Variants in NLGN1 observed in about 807,000 individuals in gnomAD.
The protein encoded by NLGN1 is neuroligin 1.
In NLGN1, 12 loss-of-function variants were observed where a neutral mutation model predicts 65.5. The ratio of observed to expected loss-of-function variants is 0.18; its 90% confidence interval spans 0.12 to 0.30. The LOEUF is 0.30. Ranked by LOEUF, NLGN1 falls within the 10% of genes least tolerant of loss-of-function variation. NLGN1 has a pLI of 1.00. For missense variants in NLGN1, 750 were observed against 1,007.1 expected (o/e 0.74, Z 3.46); for synonymous variants, 350 against 359.5 (o/e 0.97, Z 0.30).
intron 4 of NLGN1, among the ~76,000 whole-genome samples, chr3:174,079,194 A>T (rs1018687427): frequency 3.3e-5 from 5 of 149,966 alleles, no homozygotes; most frequent in African/African-American, 1.3e-4. Context: ...ATTTACAAGA[A>T]AAAAAAAACT....
At chr3:174,061,399 A>G (rs1380735836) in intron 4 of NLGN1, among the ~76,000 whole-genome samples, 1 of 152,122 alleles carries the variant, frequency 6.6e-6, no homozygotes, top group Non-Finnish European at 1.5e-5. Context: ...AAGTCATTAC[A>G]CTCAGAGGAA....
chr3:173,936,995 A>G (rs988705403), intron 4 of NLGN1, among the ~76,000 whole-genome samples: 3 of 152,232 alleles, frequency 2.0e-5, no homozygotes, highest in Admixed American at 1.3e-4. Context: ...ACACAGGGAT[A>G]TATGTATACA....
chr3:173,797,696 C>CAAAAAAAAAAAAAA (rs112560290), intron 3 of NLGN1, among the ~76,000 whole-genome samples: 1 of 144,678 alleles, frequency 6.9e-6, no homozygotes, highest in Admixed American at 6.8e-5. Flanking sequence ...ACAACAACAA[C>CAAAAAAAAAAAAAA]AACAAAAAAA....
chr3:174,177,373 A>C lies in NLGN1; in HGVS notation c.647-97942A>C, dbSNP rs75028376. On this transcript the variant is annotated intron_variant, in intron 4 of 6. Coordinates refer to ENST00000457714, the Ensembl canonical transcript of NLGN1. ...CTTCAGAAAATCACTAGAGATCAAAATTGTAATATTTACTTAAATGTTTAA... is the reference window on the plus strand; with the variant it reads ...CTTCAGAAAATCACTAGAGATCAAACTTGTAATATTTACTTAAATGTTTAA... 5.9e-3 allele frequency among the ~76,000 whole-genome samples: 894 copies of C among 152,200 alleles called. 24 individuals carry two copies. Among genetic ancestry groups the C allele is most frequent in the East Asian group, 0.031 (161 of 5,182 alleles).
chr3:173,465,022 A>G (rs1184012886), intron 2 of NLGN1, among the ~76,000 whole-genome samples: 1 of 152,168 alleles, frequency 6.6e-6, no homozygotes, highest in Non-Finnish European at 1.5e-5. Context: ...TTCTATATTA[A>G]TTCACCTGTA....
chr3:173,684,260 A>G (rs114387737), intron 3 of NLGN1, among the ~76,000 whole-genome samples: 4,296 of 152,296 alleles, frequency 0.028, 90 homozygotes, highest in Middle Eastern at 0.044. Flanking sequence ...TAAAGATATG[A>G]CTTGATTTTT....
chr3:173,884,269 G>A (rs538336008), intron 4 of NLGN1, among the ~76,000 whole-genome samples: 13 of 152,252 alleles, frequency 8.5e-5, no homozygotes, highest in African/African-American at 3.1e-4. Flanking sequence ...AGAAATGTTA[G>A]AGATAAGGGA....
chr3:173,545,635 C>G (rs947712390), intron 2 of NLGN1, among the ~76,000 whole-genome samples: 2 of 152,150 alleles, frequency 1.3e-5, no homozygotes, highest in Non-Finnish European at 2.9e-5. Flanking sequence ...TATAAAGACA[C>G]TTGCACATGT....
intron 1 of NLGN1, among the ~76,000 whole-genome samples, chr3:173,400,837 G>A (rs182188255): frequency 7.8e-4 from 119 of 152,258 alleles, no homozygotes; most frequent in African/African-American, 2.8e-3. Context: ...AATAGTAAAT[G>A]TATTATTTAT....
At chr3:174,235,549 G>A (rs955592626) in intron 4 of NLGN1, among the ~76,000 whole-genome samples, 4 of 152,074 alleles carry the variant, frequency 2.6e-5, no homozygotes, top group East Asian at 3.9e-4. Flanking sequence ...CTGGGCAGAC[G>A]CATCTTACAT....
intron 4 of NLGN1, among the ~76,000 whole-genome samples, chr3:173,893,886 A>G (rs1679028136): frequency 6.6e-6 from 1 of 152,152 alleles, no homozygotes; most frequent in Admixed American, 6.5e-5. Flanking sequence ...CACCCTGAAT[A>G]CTTATGTTAC....
intron 4 of NLGN1, among the ~76,000 whole-genome samples, chr3:173,872,001 A>T (rs1360630030): frequency 6.6e-6 from 1 of 152,202 alleles, no homozygotes; most frequent in African/African-American, 2.4e-5. Flanking sequence ...TTTGTAATTT[A>T]AATAATGAAG....
At chr3:173,788,551 T>G (rs1369928312) in intron 3 of NLGN1, among the ~76,000 whole-genome samples, 4 of 152,202 alleles carry the variant, frequency 2.6e-5, no homozygotes, top group Non-Finnish European at 5.9e-5. Context: ...TGGTATAAAT[T>G]ATTTCTATTC....
At chr3:173,841,188 G>A (rs1281799919) in intron 4 of NLGN1, among the ~76,000 whole-genome samples, 2 of 151,916 alleles carry the variant, frequency 1.3e-5, no homozygotes, top group African/African-American at 2.4e-5. Flanking sequence ...AGTCAAATGT[G>A]ACAATTTCAT....
chr3:173,830,049 A>C (rs1487658322), intron 4 of NLGN1, among the ~76,000 whole-genome samples: 2 of 151,418 alleles, frequency 1.3e-5, no homozygotes, highest in Admixed American at 6.6e-5. Context: ...TTTGTGTCCA[A>C]CTGATTTATC....
intron 4 of NLGN1, among the ~76,000 whole-genome samples, chr3:173,962,694 A>G (rs1713880787): frequency 6.6e-6 from 1 of 152,134 alleles, no homozygotes; most frequent in Non-Finnish European, 1.5e-5. Context: ...TATTAATATA[A>G]AGGCATGTTA....
chr3:173,951,457 C>CTTTTT (rs67595515), intron 4 of NLGN1, among the ~76,000 whole-genome samples: 11 of 142,602 alleles, frequency 7.7e-5, no homozygotes, highest in African/African-American at 7.8e-5. Context: ...AGGTATCATT[C>CTTTTT]TTTTTTTTTT....
At chr3:174,237,184 C>T (rs1741871933) in intron 4 of NLGN1, among the ~76,000 whole-genome samples, 1 of 151,862 alleles carries the variant, frequency 6.6e-6, no homozygotes, top group Non-Finnish European at 1.5e-5. Flanking sequence ...ATACTTTATC[C>T]TCACTTTTAT....
intron 2 of NLGN1, among the ~76,000 whole-genome samples, chr3:173,564,702 A>G (rs951396563): frequency 2.0e-5 from 3 of 152,238 alleles, no homozygotes; most frequent in African/African-American, 4.8e-5. Flanking sequence ...CCACTGAATC[A>G]TGTTGGACAT....
Sources: allele counts gnomAD v4.1 joint callset (sites outside exome capture counted in the v4.1 genomes callset), GRCh38; gene constraint gnomAD v4.1.1; transcripts MANE v1.5; gene names NCBI Gene and HGNC (gene_info 2026-07-23, HGNC 2026-07-21).